The following MRPL19 variants were observed in gnomAD, a reference collection of about 807,000 sequenced individuals.
The protein encoded by MRPL19 is mitochondrial ribosomal protein L19.
In MRPL19, 31 loss-of-function variants were observed where a neutral mutation model predicts 34.0. The observed-to-expected ratio is 0.91, with a 90% CI of 0.68 to 1.23. The LOEUF (loss-of-function observed/expected upper bound fraction) is 1.23. Ranked by LOEUF, MRPL19 falls within the 50% of genes most tolerant of loss-of-function variation. The pLI is 0.00. For missense variants in MRPL19, 384 were observed against 367.6 expected, an observed-to-expected ratio of 1.04 and a Z score of -0.37; for synonymous variants, 152 against 127.7, an observed-to-expected ratio of 1.19 and a Z score of -1.28.
At chr2:75,647,307 G>C in intron 2 of MRPL19, 88 bp downstream of exon 2, 2 of 1,218,170 alleles carry the variant, frequency 1.6e-6, no homozygotes, top group Admixed American at 4.6e-5. Flanking sequence ...TCTAAGGTGG[G>C]GGCTGCACCT....
chr2:75,651,341 T>C, intron 2 of MRPL19: 1 of 530,112 alleles, frequency 1.9e-6, no homozygotes, highest in Non-Finnish European at 3.9e-6. Context: ...TCCTACACGA[T>C]TCCTTGGGGC....
In MRPL19 at chr2:75,655,299, T is replaced by C; in HGVS notation, c.*14T>C. 1 of 1,595,320 alleles carries C rather than the reference T, an allele frequency of 6.3e-7. No homozygotes were observed. Among genetic ancestry groups the C allele is most frequent in the Non-Finnish European group, 8.6e-7 (1 of 1,165,230 alleles). ...AAAAGGTCTTGATTCTGAGAATGAATTTGGTTAGTTGCAGAAGATACATTG... is the reference window on the plus strand; with the variant it reads ...AAAAGGTCTTGATTCTGAGAATGAACTTGGTTAGTTGCAGAAGATACATTG... On this transcript the variant is annotated 3_prime_UTR_variant, in exon 6 of 6. Transcript: ENST00000393909.
rs935520301 is a variant in MRPL19, at chr2:75,657,376, T to C, written c.*2091T>C. 1 of 152,066 alleles carries C rather than the reference T, an allele frequency of 6.6e-6. No individual in the cohort carries two copies. The highest frequency in any genetic ancestry group is 1.5e-5 in the Non-Finnish European group (1 of 67,990). The allele number at this position is 152,066 out of a possible 1,614,324, so 9.4% of individuals were successfully genotyped here. Reference sequence around the variant, plus strand: ...CCAATCTCCTTCCTGGAGGGGTCTGTCCAGGAAGGAGATTGTCTAGGGGTC... The same window carrying C: ...CCAATCTCCTTCCTGGAGGGGTCTGCCCAGGAAGGAGATTGTCTAGGGGTC... On this transcript the variant is annotated 3_prime_UTR_variant, in exon 6 of 6. Transcript: ENST00000393909.
In MRPL19 at chr2:75,655,171, A is replaced by G. The variant is rs554367791; in HGVS notation, c.765A>G (p.Lys255=). 1.9e-6 allele frequency: 3 copies of G among 1,613,326 alleles called. No individual in the cohort carries two copies. In the East Asian group the frequency reaches 6.7e-5, roughly 36 times the overall value. The change falls in exon 6 of 6, where the codon AAA becomes AAG. Residue 255 remains lysine, a synonymous_variant. Coordinates refer to ENST00000393909, the MANE Select transcript of MRPL19 (RefSeq NM_014763.4). ...TTTGTTTAACTGAACAGCAAATGAA[A>G]GAAGCTCAGAAGTGGAATCAGCCAT... ...FDLCLTEQQM[K]EAQKWNQPWL...
chr2:75,655,275 A>T lies in MRPL19; in HGVS notation c.869A>T (p.Lys290Ile). ...ATATGGAAGGAAATTGAAGCGTCGA[A>T]AAGGTCTTGATTCTGAGAATGAATT... ...AAIWKEIEASKRS is the reference protein window; with the variant it reads ...AAIWKEIEASIRS The change falls in exon 6 of 6, where the codon AAA (lysine) becomes ATA (isoleucine). Residue 290 changes from lysine (K) to isoleucine (I), a missense_variant. Lys to Ile is a moderately radical substitution (Grantham distance 102). Transcript: ENST00000393909. 1 of 1,611,682 alleles carries T rather than the reference A, an allele frequency of 6.2e-7. No individual in the cohort carries two copies. Among genetic ancestry groups the T allele is most frequent in the Non-Finnish European group, 8.5e-7 (1 of 1,178,514 alleles).
Position 75,657,857 on chromosome 2 carries a change from T to A in MRPL19, c.*2572T>A, listed in dbSNP as rs1678498082. On this transcript the variant is annotated 3_prime_UTR_variant, in exon 6 of 6. Transcript: ENST00000393909. The stretch of plus-strand genomic sequence containing the variant: ...GAAATAAAATTAAATGTGCATAATC[T>A]AAAGCTTTTTTTTTTTATTGTGGTA... 1 of 119,258 alleles carries A rather than the reference T, an allele frequency of 8.4e-6. No homozygotes were observed. The highest frequency in any genetic ancestry group is 1.7e-5 in the Non-Finnish European group (1 of 57,466). The allele number at this position is 119,258 out of a possible 1,614,324, so 7.4% of individuals were successfully genotyped here.
Position 75,654,799 on chromosome 2 carries a change from A to G in MRPL19, c.539A>G (p.Glu180Gly), listed in dbSNP as rs756382506. The change falls in exon 5 of 6, where the codon GAG (glutamate) becomes GGG (glycine). Residue 180 changes from glutamate (E) to glycine (G), a missense_variant. Transcript: ENST00000393909. ...CAGGAGATTCAGGTGGTCAAATTAG[A>G]GAAACGGCTGGATGATAGCTTGCTA... ...RVQEIQVVKL[E>G]KRLDDSLLYL... 1 of 1,613,942 alleles carries G rather than the reference A, an allele frequency of 6.2e-7. No homozygotes were observed. The highest frequency in any genetic ancestry group is 1.7e-5 in the Admixed American group (1 of 60,012).
chr2:75,651,242 C>T, intron 2 of MRPL19: 1 of 467,968 alleles, frequency 2.1e-6, no homozygotes, highest in Non-Finnish European at 4.3e-6. Flanking sequence ...CCACCCGCAC[C>T]TGTCATCCAA....
Position 75,652,168 on chromosome 2 carries a change from G to A in MRPL19, c.248G>A (p.Arg83Gln), listed in dbSNP as rs202036696. ...RRFLSPEFIP[R>Q]RGRTDPLKFQ... is the part of the protein sequence containing the mutation. ...TTCTTGAGTCCTGAATTCATTCCTC[G>A]AAGGGGAAGAACAGATCCTCTGAAA... The change falls in exon 3 of 6, where the codon CGA becomes CAA. Residue 83 changes from arginine (R) to glutamine (Q), a missense_variant. By Grantham distance (43) the Arg-to-Gln change is conservative. Coordinates refer to ENST00000393909, the MANE Select transcript of MRPL19 (RefSeq NM_014763.4). 541 of 1,592,670 alleles carry A rather than the reference G, an allele frequency of 3.4e-4. No individual in the cohort carries two copies. Among genetic ancestry groups the A allele is most frequent in the Non-Finnish European group, 4.2e-4 (496 of 1,170,534 alleles).
At position 75,646,847 on chromosome 2, in the gene MRPL19, G is replaced by T. The variant is rs1678231028; in HGVS notation, c.40G>T (p.Gly14Cys). 1.9e-6 allele frequency: 3 copies of T among 1,595,396 alleles called. No homozygotes were observed. The highest frequency in any genetic ancestry group is 1.7e-5 in the Admixed American group (1 of 57,516). Reference protein sequence around the residue: ...CIAAGHWAAMGLGRSFQAART... With the variant: ...CIAAGHWAAMCLGRSFQAART... Reference sequence around the variant, plus strand: ...TGCAGCGGGGCACTGGGCTGCAATGGGCCTAGGCCGGAGTTTCCAAGCCGC... The same window carrying T: ...TGCAGCGGGGCACTGGGCTGCAATGTGCCTAGGCCGGAGTTTCCAAGCCGC... Residue 14 changes from glycine to cysteine, a missense_variant, in exon 1 of 6, where the codon GGC becomes TGC. By Grantham distance (159) the Gly-to-Cys change is radical. Coordinates refer to ENST00000393909, the MANE Select transcript of MRPL19 (RefSeq NM_014763.4).
chr2:75,647,516 G>C, intron 2 of MRPL19: 1 of 300,114 alleles, frequency 3.3e-6, no homozygotes, highest in Admixed American at 4.7e-5. Context: ...GGTATATCCT[G>C]TTTATACCTG....
At chr2:75,654,712 G>GT in intron 4 of MRPL19, 24 bp from the exon 5 acceptor site, 1 of 1,608,566 alleles carries the variant, frequency 6.2e-7, no homozygotes, top group East Asian at 2.2e-5. Flanking sequence ...TAGATTGTAA[G>GT]AATATGTTTT....
At chr2:75,653,855 C>T (rs1436113680) in intron 4 of MRPL19, among the ~76,000 whole-genome samples, 1 of 152,180 alleles carries the variant, frequency 6.6e-6, no homozygotes, top group East Asian at 1.9e-4. Context: ...ACCACTCTGC[C>T]TACCCACTTA....
Position 75,655,386 on chromosome 2 carries a change from T to C in MRPL19, c.*101T>C. On this transcript the variant is annotated 3_prime_UTR_variant, in exon 6 of 6. Transcript: ENST00000393909. ...CATTTATAAGAACATAGTAATTAAG[T>C]GAACTAAGCATTCATTGTTTTATTA... 1 of 816,274 alleles carries C rather than the reference T, an allele frequency of 1.2e-6. No homozygotes were observed. The highest frequency in any genetic ancestry group is 1.9e-6 in the Non-Finnish European group (1 of 527,146). The allele number at this position is 816,274 out of a possible 1,614,324, so 50.6% of individuals were successfully genotyped here.
intron 2 of MRPL19, among the ~76,000 whole-genome samples, chr2:75,648,642 G>A (rs529349658): frequency 7.9e-5 from 12 of 151,824 alleles, no homozygotes; most frequent in Non-Finnish European, 1.6e-4. Flanking sequence ...GGCAGATCAC[G>A]AAGTCAGGAG....
Position 75,652,188 on chromosome 2 carries a change from C to A in MRPL19, c.268C>A (p.Leu90Met). The A allele has an allele frequency of 1.2e-6, 2 of 1,606,210 alleles. No individual in the cohort carries two copies. The highest frequency in any genetic ancestry group is 1.7e-6 in the Non-Finnish European group (2 of 1,175,892). The change falls in exon 3 of 6, where the codon CTG becomes ATG. Residue 90 changes from leucine (L) to methionine (M), a missense_variant. Coordinates refer to ENST00000393909, the MANE Select transcript of MRPL19 (RefSeq NM_014763.4). ...TCCTCGAAGGGGAAGAACAGATCCTCTGAAATTTCAAATAGAAAGAAAAGA... is the reference window on the plus strand; with the variant it reads ...TCCTCGAAGGGGAAGAACAGATCCTATGAAATTTCAAATAGAAAGAAAAGA... ...FIPRRGRTDP[L>M]KFQIERKDML...
chr2:75,651,474 G>A (rs1169461770), intron 2 of MRPL19: 2 of 530,128 alleles, frequency 3.8e-6, no homozygotes, highest in Non-Finnish European at 7.7e-6. Context: ...AAGAGCTAGT[G>A]CAGTCATATA....
rs557920258 is a variant in MRPL19 at position 75,659,087 on chromosome 2, T to C, written c.*3802T>C. Among the ~76,000 whole-genome samples, 14 of 152,178 alleles carry C rather than the reference T, an allele frequency of 9.2e-5. No individual in the cohort carries two copies. The South Asian group carries it at 1.2e-3, about 14-fold the overall frequency. ...ATATGTCATATACTTTTTTGGCCCC[T>C]CATTTCCTCTTTATGGCCTTCTTTT... On this transcript the variant is annotated 3_prime_UTR_variant, in exon 6 of 6. Coordinates refer to ENST00000393909, the MANE Select transcript of MRPL19 (RefSeq NM_014763.4).
At chr2:75,649,467 A>G (rs1678285458) in intron 2 of MRPL19, among the ~76,000 whole-genome samples, 1 of 152,074 alleles carries the variant, frequency 6.6e-6, no homozygotes, top group South Asian at 2.1e-4. Flanking sequence ...TGTGTGGCTC[A>G]AGATAATTCC....
Sources: gnomAD v4.1 joint callset for allele counts (sites outside exome capture counted in the v4.1 genomes callset) on GRCh38, gnomAD v4.1.1 for gene constraint, MANE v1.5 for transcripts, NCBI Gene and HGNC (gene_info 2026-07-23, HGNC 2026-07-21) for gene names.